DCAF6: variants seen among roughly 807,000 people sequenced by gnomAD.
DCAF6 encodes the protein DDB1- and CUL4-associated factor 6.
Under a neutral mutation model 125.1 loss-of-function variants are expected in DCAF6, and 54 were observed. The ratio of observed to expected loss-of-function variants is 0.43; its 90% CI spans 0.35 to 0.54. The LOEUF (loss-of-function observed/expected upper bound fraction) is 0.54, where lower values mean the gene tolerates loss of function less well. Among genes scored for constraint, DCAF6 ranks in the 20% least tolerant of loss-of-function variants. The pLI is 0.01. For synonymous variants in DCAF6, 371 were observed against 390.4 expected, an observed-to-expected ratio of 0.95 and a Z score of 0.58; for missense variants, 934 against 1,161.7, an observed-to-expected ratio of 0.80 and a Z score of 2.85.
chr1:167,915,312 C>T, the DCAF6 span, among the ~76,000 whole-genome samples: 1 of 152,214 alleles, frequency 6.6e-6, no homozygotes, highest in African/African-American at 2.4e-5. Context: ...TACTCCTCTA[C>T]CCCAAGCAGC....
rs1033849245 is a variant in DCAF6 at position 168,038,076 on chromosome 1, G to C, written c.1610-295G>C. Among the ~76,000 whole-genome samples the C allele has an allele frequency of 2.0e-5, 3 of 152,166 alleles. No homozygotes were observed. In the South Asian group the frequency reaches 6.2e-4, roughly 32 times the overall value. On this transcript the variant is annotated intron_variant, in intron 12 of 21. Coordinates refer to ENST00000367840, the MANE Select transcript of DCAF6 (RefSeq NM_001198956.2). ...GGTACCAGTTTGTAACTATGTCATT[G>C]CATGTTAATACTTTTTGATTCCCCT... is the stretch of plus-strand genomic sequence containing the variant.
At chr1:168,073,175 CA>C (rs1202678546) in intron 21 of DCAF6, among the ~76,000 whole-genome samples, 16 of 139,860 alleles carry the variant, frequency 1.1e-4, no homozygotes, top group Admixed American at 7.1e-5. Flanking sequence ...GACTCGGTCT[CA>C]AAAAAAAAAG....
the DCAF6 span, chr1:167,916,686 C>T: frequency 3.3e-5 from 5 of 152,088 alleles, no homozygotes; most frequent in Non-Finnish European, 7.3e-5. Flanking sequence ...TAGGAGACCC[C>T]GCACAGAAGA....
rs182970670 is a variant in DCAF6 at position 167,946,596 on chromosome 1, T to C, written c.98-5204T>C. Among the ~76,000 whole-genome samples, 51 of 152,342 alleles carry C rather than the reference T, an allele frequency of 3.3e-4. 1 individual carries two copies. In the East Asian group the frequency reaches 9.6e-3, roughly 29 times the overall value. On this transcript the variant is annotated intron_variant, in intron 1 of 21. Transcript: ENST00000367840. Reference sequence around the variant, plus strand: ...TCTTATGAAGGGATGTTGAATTTTATTAAATTCTTTTTTCGCGTCTATTAA... The same window carrying C: ...TCTTATGAAGGGATGTTGAATTTTACTAAATTCTTTTTTCGCGTCTATTAA...
rs56983339 is a variant in DCAF6, at chr1:167,943,913, A to C, written c.97+6905A>C. The stretch of plus-strand genomic sequence containing the variant: ...TAGTGCAGTGGTGAGATCTCGGCTT[A>C]CTGCAAGTTCCGCCTCCGAGGTTCA... On this transcript the variant is annotated intron_variant, in intron 1 of 21. Coordinates refer to ENST00000367840, the MANE Select transcript of DCAF6 (RefSeq NM_001198956.2). Among the ~76,000 whole-genome samples the C allele has an allele frequency of 6.0e-3, 898 of 148,768 alleles. 12 individuals are homozygous for C. Among genetic ancestry groups the C allele is most frequent in the African/African-American group, 0.021 (849 of 40,144 alleles).
intron 16 of DCAF6, among the ~76,000 whole-genome samples, chr1:168,049,016 C>T (rs1689487598): frequency 1.3e-5 from 2 of 152,078 alleles, no homozygotes; most frequent in African/African-American, 2.4e-5. Context: ...ATATGAATCT[C>T]CACATATTTG....
At chr1:167,985,847 A>G (rs1021735520) in intron 4 of DCAF6, among the ~76,000 whole-genome samples, 3 of 152,236 alleles carry the variant, frequency 2.0e-5, no homozygotes, top group African/African-American at 7.2e-5. Flanking sequence ...CTCAGCATCT[A>G]GAACAAGAAA....
At chr1:167,988,977 G>A (rs1199746516) in intron 5 of DCAF6, among the ~76,000 whole-genome samples, 1 of 152,058 alleles carries the variant, frequency 6.6e-6, no homozygotes, top group African/African-American at 2.4e-5. Flanking sequence ...CTACTCGGGA[G>A]GCTGAGGAAG....
At chr1:167,984,165 A>G (rs1679603390) in intron 4 of DCAF6, among the ~76,000 whole-genome samples, 1 of 152,146 alleles carries the variant, frequency 6.6e-6, no homozygotes, top group Admixed American at 6.5e-5. Flanking sequence ...AGTTCTAAAA[A>G]AGTTGATTTT....
chr1:167,916,767 A>G, the DCAF6 span: 1 of 152,148 alleles, frequency 6.6e-6, no homozygotes, highest in East Asian at 1.9e-4. Flanking sequence ...TGTCTATGTC[A>G]TATTTCATAA....
intron 2 of DCAF6, among the ~76,000 whole-genome samples, chr1:167,958,063 T>G (rs959892052): frequency 6.6e-6 from 1 of 152,218 alleles, no homozygotes; most frequent in Non-Finnish European, 1.5e-5. Context: ...AGATATATGA[T>G]TTGCAAATAT....
At chr1:167,996,478 T>C (rs1247649746) in intron 7 of DCAF6, among the ~76,000 whole-genome samples, 4 of 152,140 alleles carry the variant, frequency 2.6e-5, no homozygotes, top group Admixed American at 2.0e-4. Flanking sequence ...GCATGACCTA[T>C]CCCCCTTTGT....
intron 1 of DCAF6, among the ~76,000 whole-genome samples, chr1:167,940,004 A>T (rs900584210): frequency 6.6e-6 from 1 of 152,198 alleles, no homozygotes; most frequent in Non-Finnish European, 1.5e-5. Context: ...TAAAATTGGG[A>T]TAGAACAAAT....
chr1:167,867,852 T>C, the DCAF6 span, among the ~76,000 whole-genome samples: 1 of 151,808 alleles, frequency 6.6e-6, no homozygotes, highest in Non-Finnish European at 1.5e-5. Flanking sequence ...ATGTGTGTAA[T>C]TACTGGTCTT....
intron 12 of DCAF6, among the ~76,000 whole-genome samples, chr1:168,034,797 CTG>C (rs1558007471): frequency 6.6e-6 from 1 of 152,120 alleles, no homozygotes; most frequent in Non-Finnish European, 1.5e-5. Flanking sequence ...AGTAACATAT[CTG>C]TGCATTATGT....
intron 4 of DCAF6, among the ~76,000 whole-genome samples, chr1:167,977,215 T>G (rs1175606456): frequency 2.0e-5 from 3 of 151,388 alleles, no homozygotes; most frequent in Admixed American, 6.6e-5. Context: ...ACAGTTTTTT[T>G]TTTTTTTTTT....
At chr1:167,923,046 C>T in the DCAF6 span, among the ~76,000 whole-genome samples, 1 of 152,050 alleles carries the variant, frequency 6.6e-6, no homozygotes, top group Non-Finnish European at 1.5e-5. Context: ...AAAAATGCTC[C>T]CCCATCAAAA....
At chr1:168,055,211 T>C (rs1180547587) in intron 17 of DCAF6, among the ~76,000 whole-genome samples, 1 of 152,068 alleles carries the variant, frequency 6.6e-6, no homozygotes, top group Non-Finnish European at 1.5e-5. Context: ...AGTAGAGATA[T>C]AGAAATGTAA....
chr1:167,872,864 G>T, the DCAF6 span, among the ~76,000 whole-genome samples: 2 of 151,348 alleles, frequency 1.3e-5, no homozygotes, highest in Admixed American at 6.6e-5. Flanking sequence ...GAGATCAGGA[G>T]TTCAAGACCA....
Sources: gnomAD v4.1 joint callset for allele counts (sites outside exome capture counted in the v4.1 genomes callset) on GRCh38, gnomAD v4.1.1 for gene constraint, MANE v1.5 for transcripts, NCBI Gene and HGNC (gene_info 2026-07-23, HGNC 2026-07-21) for gene names.